Variants in SACS observed in about 807,000 individuals in gnomAD.
SACS encodes the protein sacsin molecular chaperone, also known as sacsin.
Under a neutral mutation model 348.0 loss-of-function variants are expected in SACS, and 197 were observed. The ratio of observed to expected loss-of-function variants is 0.57; its 90% CI spans 0.50 to 0.64. The LOEUF (loss-of-function observed/expected upper bound fraction) is 0.64. Ranked by LOEUF, SACS falls within the 30% of genes least tolerant of loss-of-function variation. The pLI, the probability that SACS is intolerant of heterozygous loss-of-function variation, is 0.00. For missense variants in SACS, 4,999 were observed against 5,360.8 expected (o/e 0.93, Z 2.11); for synonymous variants, 1,985 against 1,910.6 (o/e 1.04, Z -1.02).
At chr13:23,400,437 T>C (rs1872916053) in intron 2 of SACS, among the ~76,000 whole-genome samples, 1 of 152,206 alleles carries the variant, frequency 6.6e-6, no homozygotes, top group East Asian at 1.9e-4. Flanking sequence ...TTTTATTTTT[T>C]TGAGAAGGGG....
Position 23,336,867 on chromosome 13 carries a change from T to C in SACS, c.7009A>G (p.Ile2337Val), listed in dbSNP as rs551644766. 8.7e-6 allele frequency: 14 copies of C among 1,613,392 alleles called. No individual in the cohort carries two copies. The highest frequency in any genetic ancestry group is 8.3e-5 in the Admixed American group (5 of 59,938). Residue 2337 changes from isoleucine (I) to valine (V), a missense_variant, in exon 10 of 10, where the codon ATT (isoleucine) becomes GTT (valine). By Grantham distance (29) the Ile-to-Val change is conservative. Around this residue, in one of 6 missense-constraint regions of SACS, gnomAD observed 3,156 missense variants for 3,380.1 expected, o/e 0.93. Coordinates refer to ENST00000382292, the MANE Select transcript of SACS (RefSeq NM_014363.6). ...CTAAAGGGTTTTAACTTATCAATAA[T>C]TGACATCTTAGTGATTTCATTTTGC... Reference protein sequence around the residue: ...LMQNEITKMSIIDKLKPFSFI... With the variant: ...LMQNEITKMSVIDKLKPFSFI...
At chr13:23,376,295 T>C (rs865866126) in intron 2 of SACS, among the ~76,000 whole-genome samples, 11 of 152,098 alleles carry the variant, frequency 7.2e-5, no homozygotes, top group African/African-American at 2.7e-4. Context: ...AAAGTTGCCA[T>C]GTAATTTGAA....
At chr13:23,398,784 G>A (rs111950231) in intron 2 of SACS, among the ~76,000 whole-genome samples, 27 of 152,018 alleles carry the variant, frequency 1.8e-4, no homozygotes, top group African/African-American at 5.5e-4. Context: ...ACTTCAGAGA[G>A]AGCAGGTTGT....
In SACS at chr13:23,330,852, GA is replaced by G; in HGVS notation, c.13023del (p.Pro4342GlnfsTer21). 2 of 1,613,994 alleles carry G rather than the reference GA, an allele frequency of 1.2e-6. No individual in the cohort carries two copies. The highest frequency in any genetic ancestry group is 1.7e-6 in the Non-Finnish European group (2 of 1,180,008). On this transcript the variant is annotated frameshift_variant, in exon 10 of 10. Coordinates refer to ENST00000382292, the MANE Select transcript of SACS (RefSeq NM_014363.6). LOFTEE classifies it high-confidence loss of function. ...TCATTGGCAATGTCATGGTTCTCTG[GA>G]TTTTTGTCAGGATGCCATTTCAAAT... ...RLYLKWHPDK[N>X]PENHDIANEV...
At chr13:23,354,307 A>G (rs1214042387) in intron 8 of SACS, among the ~76,000 whole-genome samples, 1 of 152,224 alleles carries the variant, frequency 6.6e-6, no homozygotes, top group East Asian at 1.9e-4. Flanking sequence ...AGCTGCTTAG[A>G]TAACTTTTCA....
intron 1 of SACS, among the ~76,000 whole-genome samples, chr13:23,416,714 G>A (rs1004725483): frequency 3.3e-5 from 5 of 150,846 alleles, no homozygotes; most frequent in South Asian, 2.1e-4. Context: ...CCAAGATCGC[G>A]CCATTGCACT....
chr13:23,427,202 A>G (rs1464936037), intron 1 of SACS: 2 of 152,202 alleles, frequency 1.3e-5, no homozygotes, highest in South Asian at 2.1e-4. Flanking sequence ...TGCAAATATT[A>G]GATGCTACTA....
At chr13:23,381,630 A>G (rs547009864) in intron 2 of SACS, among the ~76,000 whole-genome samples, 1 of 152,310 alleles carries the variant, frequency 6.6e-6, no homozygotes, top group South Asian at 2.1e-4. Flanking sequence ...TAGAATCCCT[A>G]GACGTTGATT....
chr13:23,355,901 G>A lies in SACS; in HGVS notation c.711C>T (p.Ser237=), dbSNP rs1343975131. The stretch of plus-strand genomic sequence containing the variant: ...GGTCTGAAAGTTCACTAATTTCTTT[G>A]CTGTCATCTTTGAGATTCCAACATT... The part of the protein sequence containing the change: ...SGQCWNLKDD[S]KEISELSDQF... Residue 237 remains serine, a synonymous_variant, in exon 8 of 10, where the codon AGC becomes AGT. Transcript: ENST00000382292. The A allele has an allele frequency of 6.2e-7, 1 of 1,614,012 alleles. No individual in the cohort carries two copies. The highest frequency in any genetic ancestry group is 8.5e-7 in the Non-Finnish European group (1 of 1,180,014).
chr13:23,406,442 T>C (rs1873215780), intron 2 of SACS, among the ~76,000 whole-genome samples: 1 of 152,106 alleles, frequency 6.6e-6, no homozygotes, highest in East Asian at 1.9e-4. Flanking sequence ...GACAGATTGA[T>C]GGGTGCAGCA....
intron 1 of SACS, among the ~76,000 whole-genome samples, chr13:23,424,386 A>G (rs1459362676): frequency 2.0e-5 from 3 of 152,170 alleles, no homozygotes; most frequent in Non-Finnish European, 4.4e-5. Context: ...TTAGCCGGGC[A>G]TGGTGGCGCA....
intron 9 of SACS, among the ~76,000 whole-genome samples, chr13:23,342,730 A>G (rs894548437): frequency 2.0e-5 from 3 of 152,168 alleles, no homozygotes; most frequent in East Asian, 1.9e-4. Flanking sequence ...ACCTACAGAG[A>G]AGGTCATGAA....
rs758261187 is a variant in SACS, at chr13:23,353,804, C to T, written c.2166G>A (p.Lys722=). 2 of 1,604,750 alleles carry T rather than the reference C, an allele frequency of 1.2e-6. No homozygotes were observed. The highest frequency in any genetic ancestry group is 2.2e-5 in the South Asian group (2 of 90,724). The change falls in exon 9 of 10, where the codon AAG becomes AAA. Residue 722 remains lysine (K), a synonymous_variant. Transcript: ENST00000382292. Reference sequence around the variant, plus strand: ...TAATACCTCGGGTTTGGGCAGCTTCCTTTAAAGCAGCCACAAGGTGAGGTT... The same window carrying T: ...TAATACCTCGGGTTTGGGCAGCTTCTTTTAAAGCAGCCACAAGGTGAGGTT... The part of the protein sequence containing the change: ...NLKPHLVAAL[K]EAAQTRGRPC...
chr13:23,368,582 C>CAA, intron 4 of SACS, 95 bp from the exon 5 acceptor site: 1 of 866,840 alleles, frequency 1.2e-6, no homozygotes, highest in Non-Finnish European at 1.9e-6. Context: ...TATAACTATA[C>CAA]AAGTTATGGT....
intron 3 of SACS, among the ~76,000 whole-genome samples, chr13:23,374,393 TC>T (rs1871610479): frequency 6.6e-6 from 1 of 152,362 alleles, no homozygotes; most frequent in African/African-American, 2.4e-5. Context: ...GCTCAAGTAT[TC>T]CTTGTATTAT....
At chr13:23,376,173 T>G (rs1234117566) in intron 2 of SACS, among the ~76,000 whole-genome samples, 1 of 152,192 alleles carries the variant, frequency 6.6e-6, no homozygotes, top group Non-Finnish European at 1.5e-5. Flanking sequence ...TTGTAACTTA[T>G]TTTGGCAATA....
intron 6 of SACS, among the ~76,000 whole-genome samples, chr13:23,359,075 G>A (rs1870571314): frequency 6.6e-6 from 1 of 152,088 alleles, no homozygotes; most frequent in Non-Finnish European, 1.5e-5. Flanking sequence ...CCAGCTACTT[G>A]GGAAGCTGAG....
chr13:23,329,546 C>A lies in SACS; in HGVS notation c.*590G>T, dbSNP rs746147218. The A allele has an allele frequency of 7.6e-6, 5 of 657,748 alleles. No individual in the cohort carries two copies. The East Asian group carries it at 1.4e-4, about 18-fold the overall frequency. 40.7% of individuals were successfully genotyped at this position (657,748 alleles called of 1,614,324 possible). A position where few individuals can be genotyped will look rare whatever the true frequency, so the allele number is the denominator to read the frequency against. On this transcript the variant is annotated 3_prime_UTR_variant, in exon 10 of 10. Coordinates refer to ENST00000382292, the MANE Select transcript of SACS (RefSeq NM_014363.6). Reference sequence around the variant, plus strand: ...AGATGTAAAGTGCACTCAGTGCACTCTAAAAAGTACTACCTTCACACTCTT... The same window carrying A: ...AGATGTAAAGTGCACTCAGTGCACTATAAAAAGTACTACCTTCACACTCTT...
chr13:23,408,843 T>C lies in SACS; in HGVS notation c.20+2377A>G, dbSNP rs575730560. Among the ~76,000 whole-genome samples the C allele has an allele frequency of 3.3e-5, 5 of 150,928 alleles. No individual in the cohort carries two copies. In the South Asian group the frequency reaches 1.1e-3, roughly 32 times the overall value. ...AGCCGGGCGTGGTGGTGGGCACCTG[T>C]AGTCCCAGCTCGGGAGGCTGAGGCA... On this transcript the variant is annotated intron_variant, in intron 2 of 9. Coordinates refer to ENST00000382292, the MANE Select transcript of SACS (RefSeq NM_014363.6).
Sources: gnomAD v4.1 joint callset for allele counts (sites outside exome capture counted in the v4.1 genomes callset) on GRCh38, gnomAD v4.1.1 for gene constraint, gnomAD v4.1.1 regional missense constraint, MANE v1.5 for transcripts, NCBI Gene and HGNC (gene_info 2026-07-23, HGNC 2026-07-21) for gene names.